Variants in CHIC1 observed in about 807,000 individuals in gnomAD.
The protein encoded by CHIC1 is cysteine-rich hydrophobic domain-containing protein 1.
CHIC1 carries 7 observed loss-of-function variants against 18.5 expected under a neutral mutation model. The observed-to-expected ratio is 0.38, with a 90% CI of 0.22 to 0.71. CHIC1 has a LOEUF of 0.71. CHIC1 is among the 30% of genes least tolerant of loss of function. CHIC1 has a pLI of 0.49. For missense variants in CHIC1, 159 were observed against 176.9 expected (o/e 0.90, Z 0.57); for synonymous variants, 77 against 73.5 (o/e 1.05, Z -0.25).
chrX:73,572,692 C>G (rs1283029760), intron 1 of CHIC1, among the ~76,000 whole-genome samples: 4 of 111,437 alleles, frequency 3.6e-5, no homozygotes, highest in Non-Finnish European at 7.6e-5. Context: ...CTGTATTTCT[C>G]TAATGATTAG....
intron 3 of CHIC1, among the ~76,000 whole-genome samples, chrX:73,624,162 A>C: frequency 9.0e-6 from 1 of 110,770 alleles, no homozygotes; most frequent in Non-Finnish European, 1.9e-5. Context: ...CTAGGTGGTC[A>C]AGAGCATGCT....
chrX:73,581,579 A>C (rs2057527566), intron 2 of CHIC1, among the ~76,000 whole-genome samples: 1 of 111,053 alleles, frequency 9.0e-6, no homozygotes, highest in Non-Finnish European at 1.9e-5. Context: ...TGTTGCTCAG[A>C]TACAGATTTC....
chrX:73,633,900 T>G (rs935482891), intron 3 of CHIC1, among the ~76,000 whole-genome samples: 5 of 111,057 alleles, frequency 4.5e-5, no homozygotes, highest in African/African-American at 1.6e-4. Context: ...AATAGATTTT[T>G]TACTGCTTTT....
intron 3 of CHIC1, among the ~76,000 whole-genome samples, chrX:73,640,754 T>A (rs2057851883): frequency 1.8e-5 from 2 of 111,607 alleles, no homozygotes; most frequent in South Asian, 3.7e-4. Flanking sequence ...TCTTTATTAG[T>A]CTAACAAGCA....
intron 3 of CHIC1, among the ~76,000 whole-genome samples, chrX:73,597,551 T>C (rs1351138993): frequency 9.3e-6 from 1 of 107,215 alleles, no homozygotes; most frequent in Non-Finnish European, 1.9e-5. Context: ...AAAAAATATA[T>C]TTTTATATAT....
chrX:73,659,072 C>T (rs1028557011), intron 3 of CHIC1, among the ~76,000 whole-genome samples: 18 of 111,864 alleles, frequency 1.6e-4, no homozygotes, highest in African/African-American at 5.9e-4. Context: ...ATGACAAAGG[C>T]TTTGAGTCAA....
chrX:73,588,867 T>A (rs1349114610), intron 3 of CHIC1, among the ~76,000 whole-genome samples: 2 of 110,803 alleles, frequency 1.8e-5, no homozygotes, highest in African/African-American at 6.5e-5. Flanking sequence ...TCTAATTTTT[T>A]TCTAAATTAC....
chrX:73,582,344 T>C (rs2057531700), intron 2 of CHIC1, among the ~76,000 whole-genome samples: 2 of 110,866 alleles, frequency 1.8e-5, no homozygotes, highest in Admixed American at 9.6e-5. Context: ...TTTTTCTTTA[T>C]TTTAACTTCT....
chrX:73,582,644 T>A (rs903746296), intron 2 of CHIC1, among the ~76,000 whole-genome samples: 2 of 110,645 alleles, frequency 1.8e-5, no homozygotes, highest in African/African-American at 6.5e-5. Flanking sequence ...GAGAGCTGTT[T>A]CTTTTCTTTC....
At chrX:73,591,150 C>A (rs2057579722) in intron 3 of CHIC1, among the ~76,000 whole-genome samples, 1 of 111,588 alleles carries the variant, frequency 9.0e-6, no homozygotes, top group Non-Finnish European at 1.9e-5. Context: ...GTAGTGATAT[C>A]TCACTATTGT....
intron 3 of CHIC1, among the ~76,000 whole-genome samples, chrX:73,651,500 C>T (rs2057916259): frequency 9.0e-6 from 1 of 111,217 alleles, no homozygotes; most frequent in South Asian, 3.8e-4. Context: ...AGCCACAAAA[C>T]TTCTTAAGCT....
At chrX:73,615,960 G>C (rs73492749) in intron 3 of CHIC1, among the ~76,000 whole-genome samples, 1,182 of 111,215 alleles carry the variant, frequency 0.011, 21 homozygotes, top group African/African-American at 0.036. Context: ...TGAGGGCAGT[G>C]GGGTTGTTAC....
chrX:73,626,441 T>G (rs999563750), intron 3 of CHIC1, among the ~76,000 whole-genome samples: 17 of 111,458 alleles, frequency 1.5e-4, no homozygotes, highest in African/African-American at 5.5e-4. Context: ...ATTTGCCTTT[T>G]TGATACTATT....
chrX:73,647,255 A>G (rs2057893872), intron 3 of CHIC1, among the ~76,000 whole-genome samples: 1 of 112,082 alleles, frequency 8.9e-6, no homozygotes, highest in East Asian at 2.8e-4. Flanking sequence ...CAGATTCTCA[A>G]CAGCATCTCA....
At position 73,679,356 on chromosome X, in the gene CHIC1, TG is replaced by T; in HGVS notation, c.541del (p.Glu181LysfsTer15). ...AAGATCAATTCAGAAGTTAATAGAA[TG>T]GGAAAATAACAGATTATATCACAAG... ...TRRSIQKLIE[W>X]ENNRLYHKLA... On this transcript the variant is annotated frameshift_variant, in exon 4 of 6. Transcript: ENST00000373502. LOFTEE classifies it high-confidence loss of function. 2 of 1,151,145 alleles carry T rather than the reference TG, an allele frequency of 1.7e-6. No homozygotes were observed. Among genetic ancestry groups the T allele is most frequent in the Non-Finnish European group, 1.2e-6 (1 of 843,152 alleles). 94.9% of individuals were successfully genotyped at this position (1,151,145 alleles called of 1,213,427 possible). A position where few individuals can be genotyped will look rare whatever the true frequency, so the allele number is the denominator to read the frequency against.
chrX:73,628,319 A>G (rs1433860918), intron 3 of CHIC1, among the ~76,000 whole-genome samples: 2 of 111,959 alleles, frequency 1.8e-5, no homozygotes, highest in African/African-American at 6.5e-5. Context: ...TGTGTGACTC[A>G]CAGTCCACTG....
chrX:73,626,099 G>A (rs2057782337), intron 3 of CHIC1, among the ~76,000 whole-genome samples: 1 of 111,328 alleles, frequency 9.0e-6, no homozygotes, highest in Non-Finnish European at 1.9e-5. Context: ...AGATTTTGAG[G>A]TGAATCCATA....
At chrX:73,639,962 T>C (rs1363976802) in intron 3 of CHIC1, among the ~76,000 whole-genome samples, 2 of 111,848 alleles carry the variant, frequency 1.8e-5, no homozygotes, top group Non-Finnish European at 3.8e-5. Flanking sequence ...ATGAAGAATC[T>C]TGTCATCTGC....
chrX:73,678,913 G>T (rs1223048416), intron 3 of CHIC1, among the ~76,000 whole-genome samples: 1 of 111,742 alleles, frequency 8.9e-6, no homozygotes, highest in African/African-American at 3.3e-5. Context: ...TGAGAAATTA[G>T]ATTAGCTTGG....
Sources: allele counts gnomAD v4.1 joint callset (sites outside exome capture counted in the v4.1 genomes callset), GRCh38; gene constraint gnomAD v4.1.1; transcripts MANE v1.5; gene names NCBI Gene and HGNC (gene_info 2026-07-23, HGNC 2026-07-21).